Variants in SATB2 observed in about 807,000 individuals in gnomAD.
The protein encoded by SATB2 is DNA-binding protein SATB2.
A neutral mutation model predicts 73.4 loss-of-function variants in SATB2; 1 was observed. The ratio of observed to expected loss-of-function variants is 0.01; its 90% CI spans 0.00 to 0.06. The LOEUF is 0.06. Among genes scored for constraint, SATB2 ranks in the 10% least tolerant of loss-of-function variants. SATB2 has a pLI of 1.00. For synonymous variants in SATB2, 397 were observed against 367.0 expected (o/e 1.08, Z -0.93); for missense variants, 459 against 945.8 (o/e 0.49, Z 6.75).
chr2:199,414,035 T>A (rs1001357803), intron 3 of SATB2, among the ~76,000 whole-genome samples: 1 of 152,188 alleles, frequency 6.6e-6, no homozygotes, highest in African/African-American at 2.4e-5. Context: ...TCAAACCCTT[T>A]CAGTGGTGGT....
rs2105968356 is a variant in SATB2 at position 199,464,095 on chromosome 2, G to A, written c.-141+741C>T. On this transcript the variant is annotated intron_variant, in intron 1 of 11. Transcript: ENST00000260926. This position sits in a 1 kb window ranked among gnomAD's most constrained non-coding sequence, Gnocchi z 6.6. The stretch of plus-strand genomic sequence containing the variant: ...CTCGTAAGGAGTGGGGGCCAACTTA[G>A]AGGGCTTCCCGAGCTGGCGCCTCGC... Among the ~76,000 whole-genome samples, 1 of 152,306 alleles carries A rather than the reference G, an allele frequency of 6.6e-6. No individual in the cohort carries two copies. Among genetic ancestry groups the A allele is most frequent in the South Asian group, 2.1e-4 (1 of 4,824 alleles).
At chr2:199,435,868 A>AT (rs1691637862) in intron 2 of SATB2, among the ~76,000 whole-genome samples, 1 of 152,196 alleles carries the variant, frequency 6.6e-6, no homozygotes, top group Admixed American at 6.5e-5. Flanking sequence ...AATAGCCCCC[A>AT]TTTAGAGCTT....
In SATB2 at chr2:199,455,664, A is replaced by T. The variant is rs1008034503; in HGVS notation, c.169+205T>A. ...AGTGGCAAAATGCCCAAAAAATGCCACCCTCTGGGTAAAACCACTTTCTTG... is the reference window on the plus strand; with the variant it reads ...AGTGGCAAAATGCCCAAAAAATGCCTCCCTCTGGGTAAAACCACTTTCTTG... On this transcript the variant is annotated intron_variant, in intron 2 of 10. Transcript: ENST00000417098. This position sits in a 1 kb window ranked among gnomAD's most constrained non-coding sequence, Gnocchi z 4.1. Among the ~76,000 whole-genome samples the T allele has an allele frequency of 1.3e-5, 2 of 152,220 alleles. No individual in the cohort carries two copies. The highest frequency in any genetic ancestry group is 2.9e-5 in the Non-Finnish European group (2 of 68,036).
At chr2:199,329,553 G>A (rs1037136) in intron 7 of SATB2, among the ~76,000 whole-genome samples, 140,268 of 151,934 alleles carry the variant, frequency 0.92, 65,773 homozygotes, top group East Asian at 1. Context: ...TCTTTCATGA[G>A]ACGTCTTCAT....
Position 199,441,009 on chromosome 2 carries a change from C to T in SATB2, c.170-7495G>A, listed in dbSNP as rs955055236. Among the ~76,000 whole-genome samples the T allele has an allele frequency of 3.9e-5, 6 of 151,992 alleles. No homozygotes were observed. The East Asian group carries it at 5.8e-4, about 15-fold the overall frequency. The stretch of plus-strand genomic sequence containing the variant: ...GATTATAGGCATGTGCCACCGTGCC[C>T]GGCTAATTTTGTATTTTTGTAGAGA... On this transcript the variant is annotated intron_variant, in intron 2 of 10. Transcript: ENST00000417098.
Position 199,412,630 on chromosome 2 carries a change from T to C in SATB2, c.346+20708A>G, listed in dbSNP as rs551548046. Among the ~76,000 whole-genome samples, 27 of 152,314 alleles carry C rather than the reference T, an allele frequency of 1.8e-4. No individual in the cohort carries two copies. The East Asian group carries it at 4.8e-3, about 27-fold the overall frequency. On this transcript the variant is annotated intron_variant, in intron 3 of 10. Transcript: ENST00000417098. ...AGTCCCCCAAAGGTAGTGGTCATAT[T>C]TTCTATTTCTTTGTATCTCCCTCCA...
chr2:199,309,010 G>T (rs1687519413), intron 9 of SATB2, 53 bp from the exon 10 acceptor site: 2 of 1,477,368 alleles, frequency 1.4e-6, no homozygotes, highest in African/African-American at 2.8e-5. Context: ...GAGGAGCTGA[G>T]GGGGCCTTGA....
rs1040964196 is a variant in SATB2, at chr2:199,457,420, G to A, written c.-141C>T. 2.0e-5 allele frequency: 3 copies of A among 152,874 alleles called. No individual in the cohort carries two copies. Among genetic ancestry groups the A allele is most frequent in the African/African-American group, 4.8e-5 (2 of 41,470 alleles). The allele number at this position is 152,874 out of a possible 1,614,324, so 9.5% of individuals were successfully genotyped here. A position where few individuals can be genotyped will look rare whatever the true frequency, so the allele number is the denominator to read the frequency against. On this transcript the variant is annotated 5_prime_UTR_variant, in exon 1 of 11. Coordinates refer to ENST00000417098, the MANE Select transcript of SATB2 (RefSeq NM_001172509.2). This position sits in a 1 kb window ranked among gnomAD's most constrained non-coding sequence, Gnocchi z 4.8. ...AGAGAATCCAGGGTGGAAAGTTTCT[G>A]GTGCTTGGCTTTGCAGTGTTCTCCT... is the stretch of plus-strand genomic sequence containing the variant.
At chr2:199,417,633 AACTC>A (rs1208772248) in intron 3 of SATB2, among the ~76,000 whole-genome samples, 1 of 152,254 alleles carries the variant, frequency 6.6e-6, no homozygotes, top group Admixed American at 6.5e-5. Flanking sequence ...CCAAGACTAT[AACTC>A]ACTAATTACA....
At position 199,349,190 on chromosome 2, in the gene SATB2, G is replaced by A. The variant is rs1299039468; in HGVS notation, c.701-17C>T. On this transcript the variant is annotated splice_polypyrimidine_tract_variant and intron_variant, in intron 6 of 10. Coordinates refer to ENST00000417098, the MANE Select transcript of SATB2 (RefSeq NM_001172509.2). ...CTCTTTCCACTGTTAAGAGATAAAA[G>A]TGATAATTAATCATTATTTTCATTG... is the stretch of plus-strand genomic sequence containing the variant. The A allele has an allele frequency of 1.3e-6, 2 of 1,556,732 alleles. No homozygotes were observed. The highest frequency in any genetic ancestry group is 2.7e-5 in the African/African-American group (2 of 73,700).
intron 3 of SATB2, among the ~76,000 whole-genome samples, chr2:199,386,782 A>G (rs1050977459): frequency 2.0e-5 from 3 of 151,086 alleles, no homozygotes; most frequent in Non-Finnish European, 1.5e-5. Context: ...GAGTTCAGCC[A>G]GGAACATAGT....
chr2:199,430,302 T>A (rs1340730520), intron 3 of SATB2, among the ~76,000 whole-genome samples: 4 of 152,210 alleles, frequency 2.6e-5, no homozygotes, highest in Admixed American at 2.6e-4. Flanking sequence ...CAAAAGACTT[T>A]CAATGCAGAG....
At chr2:199,410,043 T>C (rs1690765313) in intron 3 of SATB2, among the ~76,000 whole-genome samples, 1 of 152,216 alleles carries the variant, frequency 6.6e-6, no homozygotes, top group African/African-American at 2.4e-5. Context: ...GAGTGATTAA[T>C]AACCTGTGCA....
intron 1 of SATB2, among the ~76,000 whole-genome samples, chr2:199,456,974 G>GT (rs1692298034): frequency 7.5e-6 from 1 of 134,132 alleles, no homozygotes; most frequent in South Asian, 2.5e-4. Flanking sequence ...GATTGGGGGG[G>GT]TGGGGGGGGG....
chr2:199,470,391 A>G (rs1430051529), intron 1 of SATB2: 3 of 152,110 alleles, frequency 2.0e-5, no homozygotes, highest in African/African-American at 7.3e-5. Context: ...GCTGCTCCGA[A>G]GCTGGAGGGT....
intron 10 of SATB2, among the ~76,000 whole-genome samples, chr2:199,292,895 C>A (rs1169978503): frequency 6.6e-6 from 1 of 152,118 alleles, no homozygotes; most frequent in African/African-American, 2.4e-5. Flanking sequence ...AGAAATGGGG[C>A]TTTTGAAGCC....
upstream of SATB2, among the ~76,000 whole-genome samples, chr2:199,460,233 A>G (rs569080245): frequency 2.0e-5 from 3 of 152,296 alleles, no homozygotes; most frequent in East Asian, 5.8e-4. The surrounding 1 kb of genome is among the most constrained non-coding windows in gnomAD (Gnocchi z 4.0). Flanking sequence ...GGTCTAGTAA[A>G]TCAACCCGTG....
At chr2:199,348,374 A>C (rs1275501280) in intron 7 of SATB2, 1 of 217,402 alleles carries the variant, frequency 4.6e-6, no homozygotes. Flanking sequence ...TGATAATCAC[A>C]AAATTCAAGA....
intron 7 of SATB2, among the ~76,000 whole-genome samples, chr2:199,346,684 C>T (rs187829838): frequency 7.2e-4 from 110 of 152,118 alleles, no homozygotes; most frequent in African/African-American, 2.5e-3. Flanking sequence ...TTGCAAGAGA[C>T]GTGGAAACCA....
Sources: allele counts gnomAD v4.1 joint callset (sites outside exome capture counted in the v4.1 genomes callset), GRCh38; gene constraint gnomAD v4.1.1; non-coding constraint Gnocchi (gnomAD v3.1); transcripts MANE v1.5; gene names NCBI Gene and HGNC (gene_info 2026-07-23, HGNC 2026-07-21).